Variants in SMYD3 observed in about 807,000 individuals in gnomAD.
The protein encoded by SMYD3 is histone-lysine N-methyltransferase SMYD3.
A neutral mutation model predicts 57.7 loss-of-function variants in SMYD3; 36 were observed. That is an observed-to-expected ratio of 0.62 (90% CI 0.48 to 0.82). The LOEUF (loss-of-function observed/expected upper bound fraction) is 0.82, where lower values mean the gene tolerates loss of function less well. Among genes scored for constraint, SMYD3 ranks in the 40% least tolerant of loss-of-function variants. The probability of loss-of-function intolerance (pLI) is 0.00; values close to 1 mark genes in which losing one functional copy is unlikely to be tolerated. For synonymous variants in SMYD3, 211 were observed against 195.0 expected (o/e 1.08, Z -0.68); for missense variants, 515 against 538.8 (o/e 0.96, Z 0.44).
intron 5 of SMYD3, among the ~76,000 whole-genome samples, chr1:246,088,306 CA>C (rs2060755990): frequency 6.6e-6 from 1 of 152,134 alleles, no homozygotes; most frequent in Admixed American, 6.5e-5. Flanking sequence ...CAGGAGTTCT[CA>C]ATTTCCCATT....
rs113356453 is a variant in SMYD3, at chr1:246,167,572, A to G, written c.531+159629T>C. Reference sequence around the variant, plus strand: ...GTGGCCCAGGCTGGAGTGCAGTGGCATGATCTCAGCTCACGGCAACCTCTG... The same window carrying G: ...GTGGCCCAGGCTGGAGTGCAGTGGCGTGATCTCAGCTCACGGCAACCTCTG... On this transcript the variant is annotated intron_variant, in intron 5 of 11. Transcript: ENST00000490107. Among the ~76,000 whole-genome samples, 241 of 147,536 alleles carry G rather than the reference A, an allele frequency of 1.6e-3. 1 individual carries two copies. The highest frequency in any genetic ancestry group is 5.6e-3 in the African/African-American group (224 of 39,716).
intron 5 of SMYD3, among the ~76,000 whole-genome samples, chr1:246,161,752 A>G (rs556928987): frequency 1.7e-4 from 26 of 152,264 alleles, no homozygotes; most frequent in South Asian, 6.2e-4. Context: ...GTATATTTCA[A>G]ATGACAGGCA....
chr1:245,913,401 T>C (rs2055157942), intron 8 of SMYD3, among the ~76,000 whole-genome samples: 2 of 151,174 alleles, frequency 1.3e-5, no homozygotes, highest in African/African-American at 4.9e-5. Flanking sequence ...TTAGGAGATA[T>C]ACCTAATGTA....
At chr1:246,236,750 G>C (rs2063517903) in intron 5 of SMYD3, among the ~76,000 whole-genome samples, 1 of 151,980 alleles carries the variant, frequency 6.6e-6, no homozygotes, top group Non-Finnish European at 1.5e-5. Flanking sequence ...GGGCTAAAGT[G>C]ATCTACCCAC....
At chr1:245,828,312 T>C (rs71636591) in intron 10 of SMYD3, among the ~76,000 whole-genome samples, 19,329 of 152,202 alleles carry the variant, frequency 0.13, 1,390 homozygotes, top group Admixed American at 0.2. Flanking sequence ...AAAGGATATC[T>C]GGTTCTTCAG....
intron 5 of SMYD3, among the ~76,000 whole-genome samples, chr1:246,063,598 CCTCCT>C (rs2060290832): frequency 6.7e-6 from 1 of 148,698 alleles, no homozygotes; most frequent in Non-Finnish European, 1.5e-5. Context: ...CCTCCCCTCC[CCTCCT>C]CTCCCCTCCC....
intron 4 of SMYD3, among the ~76,000 whole-genome samples, chr1:246,328,819 T>C (rs976736497): frequency 6.6e-6 from 1 of 152,108 alleles, no homozygotes; most frequent in Non-Finnish European, 1.5e-5. Context: ...TAGATATATA[T>C]ACTAATGCTA....
At chr1:246,318,791 A>G (rs574190038) in intron 5 of SMYD3, among the ~76,000 whole-genome samples, 6 of 152,248 alleles carry the variant, frequency 3.9e-5, no homozygotes, top group Non-Finnish European at 8.8e-5. Flanking sequence ...TACATAAGCA[A>G]TTAACCTTGA....
intron 1 of SMYD3, among the ~76,000 whole-genome samples, chr1:246,430,767 T>C (rs1256791015): frequency 6.6e-6 from 1 of 152,122 alleles, no homozygotes; most frequent in Non-Finnish European, 1.5e-5. Context: ...GACATTTTCT[T>C]AGGAGGATCT....
intron 5 of SMYD3, among the ~76,000 whole-genome samples, chr1:246,079,888 C>T (rs541499284): frequency 6.6e-6 from 1 of 152,256 alleles, no homozygotes; most frequent in South Asian, 2.1e-4. Context: ...AGAAAGTGAT[C>T]TCTAATAACT....
At chr1:245,935,659 A>T (rs1292494980) in intron 5 of SMYD3, among the ~76,000 whole-genome samples, 1 of 152,242 alleles carries the variant, frequency 6.6e-6, no homozygotes, top group Non-Finnish European at 1.5e-5. Context: ...CAAATGGATC[A>T]AGAAAATGTA....
Position 245,873,367 on chromosome 1 carries a change from G to A in SMYD3, c.814-9481C>T, listed in dbSNP as rs1000117229. Reference sequence around the variant, plus strand: ...TACCAAATGGATGGCTTAGGCTGCTGTAAGCCCATACTCACAACTCCTACC... The same window carrying A: ...TACCAAATGGATGGCTTAGGCTGCTATAAGCCCATACTCACAACTCCTACC... On this transcript the variant is annotated intron_variant, in intron 8 of 11. Coordinates refer to ENST00000490107, the MANE Select transcript of SMYD3 (RefSeq NM_001167740.2). 3.3e-5 allele frequency among the ~76,000 whole-genome samples: 5 copies of A among 152,312 alleles called. No homozygotes were observed. In the East Asian group the frequency reaches 9.6e-4, roughly 29 times the overall value.
chr1:246,092,927 A>T (rs1466424290), intron 5 of SMYD3, among the ~76,000 whole-genome samples: 2 of 152,170 alleles, frequency 1.3e-5, no homozygotes, highest in African/African-American at 2.4e-5. Flanking sequence ...AAGCAGGAAA[A>T]AAAAAACAAA....
At chr1:246,257,355 G>T (rs946208778) in intron 5 of SMYD3, among the ~76,000 whole-genome samples, 2 of 152,108 alleles carry the variant, frequency 1.3e-5, no homozygotes, top group African/African-American at 4.8e-5. Context: ...ATATATTTAG[G>T]ACAATTAAAT....
chr1:246,095,743 G>A (rs556107302), intron 5 of SMYD3, among the ~76,000 whole-genome samples: 60 of 152,280 alleles, frequency 3.9e-4, no homozygotes, highest in Middle Eastern at 3.4e-3. Context: ...CTAGCATGGC[G>A]GCACGTGCCA....
intron 5 of SMYD3, among the ~76,000 whole-genome samples, chr1:246,005,520 T>G (rs1306866952): frequency 6.6e-6 from 1 of 152,188 alleles, no homozygotes; most frequent in Non-Finnish European, 1.5e-5. Flanking sequence ...CCCATTAAAT[T>G]AGAGGATGTG....
intron 5 of SMYD3, among the ~76,000 whole-genome samples, chr1:246,017,866 T>C (rs2059403864): frequency 1.3e-5 from 2 of 152,186 alleles, no homozygotes; most frequent in Non-Finnish European, 2.9e-5. Context: ...GTTATTTTGA[T>C]GCTGAAATTG....
At chr1:246,330,014 CAGA>C (rs757712118) in intron 4 of SMYD3, among the ~76,000 whole-genome samples, 20 of 152,162 alleles carry the variant, frequency 1.3e-4, no homozygotes, top group Admixed American at 4.6e-4. Flanking sequence ...ATGGTAGTTT[CAGA>C]GAAGAATGAT....
chr1:246,176,498 C>T (rs539404196), intron 5 of SMYD3, among the ~76,000 whole-genome samples: 4 of 152,198 alleles, frequency 2.6e-5, no homozygotes, highest in Non-Finnish European at 5.9e-5. Context: ...AAAACATATT[C>T]GAAGCAATGA....
Sources: allele counts gnomAD v4.1 joint callset (sites outside exome capture counted in the v4.1 genomes callset), GRCh38; gene constraint gnomAD v4.1.1; transcripts MANE v1.5; gene names NCBI Gene and HGNC (gene_info 2026-07-23, HGNC 2026-07-21).